The following EML1 variants were observed in gnomAD, a reference collection of about 807,000 sequenced individuals.
EML1 encodes the protein EMAP like 1.
In EML1, 27 loss-of-function variants were observed where a neutral mutation model predicts 110.4. That is an observed-to-expected ratio of 0.24 (90% CI 0.18 to 0.34). The LOEUF (loss-of-function observed/expected upper bound fraction) is 0.34, where lower values mean the gene tolerates loss of function less well. Ranked by LOEUF, EML1 falls within the 10% of genes least tolerant of loss-of-function variation. EML1 has a pLI of 1.00. For missense variants in EML1, 741 were observed against 1,030.9 expected (o/e 0.72, Z 3.85); for synonymous variants, 344 against 385.8 (o/e 0.89, Z 1.27).
Position 99,827,364 on chromosome 14 carries a change from A to T in EML1, c.68-23489A>T, listed in dbSNP as rs1352160185. On this transcript the variant is annotated intron_variant, in intron 1 of 21. Coordinates refer to ENST00000262233, the MANE Select transcript of EML1 (RefSeq NM_004434.3). This position sits in a 1 kb window ranked among gnomAD's most constrained non-coding sequence, Gnocchi z 4.4. ...GTACCCTGGCAGCATAGCTGGTATG[A>T]GTACTCGAAGTACCCCGGCAGAGTA... 4.0e-5 allele frequency among the ~76,000 whole-genome samples: 6 copies of T among 151,858 alleles called. No homozygotes were observed. Among genetic ancestry groups the T allele is most frequent in the African/African-American group, 1.5e-4 (6 of 41,338 alleles).
chr14:99,813,480 C>T (rs934157314), intron 1 of EML1, among the ~76,000 whole-genome samples: 1 of 152,014 alleles, frequency 6.6e-6, no homozygotes, highest in African/African-American at 2.4e-5. Flanking sequence ...TGTGGGAGGC[C>T]GAGGCAGAAG....
upstream of EML1, among the ~76,000 whole-genome samples, chr14:99,769,255 G>A (rs1384230565): frequency 3.3e-5 from 5 of 152,180 alleles, no homozygotes; most frequent in African/African-American, 7.2e-5. Context: ...GCCCACCAGC[G>A]GTTTTGCAGC....
intron 1 of EML1, among the ~76,000 whole-genome samples, chr14:99,846,206 T>G (rs1043061250): frequency 1.3e-5 from 2 of 152,020 alleles, no homozygotes; most frequent in Non-Finnish European, 2.9e-5. Context: ...TCCATATGTT[T>G]TCATGTTTCT....
chr14:99,850,157 T>C, intron 1 of EML1: 2 of 526,848 alleles, frequency 3.8e-6, no homozygotes. Context: ...TAGGCTGATA[T>C]CAAACTCCTG....
chr14:99,845,201 C>T (rs979782904), intron 1 of EML1, among the ~76,000 whole-genome samples: 8 of 152,124 alleles, frequency 5.3e-5, no homozygotes, highest in Admixed American at 3.9e-4. Flanking sequence ...TACTTTTAAC[C>T]ATCCTAATAG....
chr14:99,754,661 G>A (rs544044194), intron 1 of EML1, among the ~76,000 whole-genome samples: 1 of 152,326 alleles, frequency 6.6e-6, no homozygotes, highest in South Asian at 2.1e-4. Flanking sequence ...GGACAAATGA[G>A]TCAGCTTGGC....
chr14:99,755,478 T>C (rs2140179467), intron 1 of EML1, among the ~76,000 whole-genome samples: 1 of 152,256 alleles, frequency 6.6e-6, no homozygotes, highest in African/African-American at 2.4e-5. Context: ...CATCTGGTGG[T>C]TGTGGCGGCT....
chr14:99,859,604 C>T (rs1000558383), intron 2 of EML1, among the ~76,000 whole-genome samples: 2 of 152,140 alleles, frequency 1.3e-5, no homozygotes, highest in Admixed American at 1.3e-4. Context: ...CAGGGACTGG[C>T]GCCCCGGCCC....
intron 1 of EML1, among the ~76,000 whole-genome samples, chr14:99,767,814 G>A (rs945200739): frequency 6.6e-6 from 1 of 152,064 alleles, no homozygotes; most frequent in Non-Finnish European, 1.5e-5. Context: ...CCTCCCCCAA[G>A]TCCCCTCATT....
intron 17 of EML1, among the ~76,000 whole-genome samples, chr14:99,923,935 T>TGA (rs1379152028): frequency 3.3e-5 from 5 of 151,998 alleles, no homozygotes; most frequent in African/African-American, 1.2e-4. Flanking sequence ...ATTACAGGTG[T>TGA]GAGGCACCAC....
chr14:99,772,437 T>C (rs2057437180), upstream of EML1, among the ~76,000 whole-genome samples: 1 of 152,186 alleles, frequency 6.6e-6, no homozygotes. Context: ...ACAACAGACT[T>C]TCTACTGGAA....
chr14:99,747,938 A>G (rs918330433), intron 1 of EML1, among the ~76,000 whole-genome samples: 26 of 152,118 alleles, frequency 1.7e-4, no homozygotes, highest in African/African-American at 6.0e-4. Context: ...GCTGGTTGAG[A>G]GAGGGTAAAG....
chr14:99,763,695 G>A (rs1011010859), intron 1 of EML1, among the ~76,000 whole-genome samples: 3 of 152,114 alleles, frequency 2.0e-5, no homozygotes, highest in South Asian at 2.1e-4. Context: ...CTAGATCCTC[G>A]GCTATGCTGC....
intron 16 of EML1, among the ~76,000 whole-genome samples, chr14:99,919,751 C>T (rs1014774028): frequency 2.6e-5 from 4 of 152,046 alleles, no homozygotes; most frequent in Admixed American, 2.6e-4. Context: ...TCTAATCAGC[C>T]CCAGCCTTTA....
chr14:99,826,950 G>A (rs2058370624), intron 1 of EML1, among the ~76,000 whole-genome samples: 1 of 152,176 alleles, frequency 6.6e-6, no homozygotes. Flanking sequence ...ACTATTTGAG[G>A]CAGAGAGTGT....
At chr14:99,772,378 C>T (rs990296301), upstream of EML1, among the ~76,000 whole-genome samples, 1 of 152,200 alleles carries the variant, frequency 6.6e-6, no homozygotes, top group Non-Finnish European at 1.5e-5. Flanking sequence ...TCCCCATTCT[C>T]TAATAACCGT....
At position 99,872,815 on chromosome 14, in the gene EML1, G is replaced by A. The variant is rs903665185; in HGVS notation, c.384-5670G>A. 3.9e-5 allele frequency among the ~76,000 whole-genome samples: 6 copies of A among 152,216 alleles called. No individual in the cohort carries two copies. In the East Asian group the frequency reaches 7.7e-4, roughly 20 times the overall value. ...TCATTTCAAATATGTTTACAATCAG[G>A]TAGGAATTTTTCTGTAATCAGAGTT... is the stretch of plus-strand genomic sequence containing the variant. On this transcript the variant is annotated intron_variant, in intron 3 of 21. Transcript: ENST00000262233.
rs114445256 is a variant in EML1, at chr14:99,913,459, G to C, written c.1495-720G>C. 1.4e-3 allele frequency among the ~76,000 whole-genome samples: 209 copies of C among 152,182 alleles called. 2 individuals are homozygous for C. The highest frequency in any genetic ancestry group is 4.7e-3 in the African/African-American group (196 of 41,510). ...CCCAAAGTGCTGGGATTACAGATGT[G>C]AGCTACCACACCTGGCCTATATTCT... is the stretch of plus-strand genomic sequence containing the variant. On this transcript the variant is annotated intron_variant, in intron 13 of 21. Coordinates refer to ENST00000262233, the MANE Select transcript of EML1 (RefSeq NM_004434.3).
chr14:99,860,805 C>G (rs2058991095), intron 2 of EML1, among the ~76,000 whole-genome samples: 1 of 152,100 alleles, frequency 6.6e-6, no homozygotes, highest in Admixed American at 6.5e-5. Flanking sequence ...CCCCCTCCCC[C>G]TTCCCATCCC....
Sources: allele counts gnomAD v4.1 joint callset (sites outside exome capture counted in the v4.1 genomes callset), GRCh38; gene constraint gnomAD v4.1.1; non-coding constraint Gnocchi (gnomAD v3.1); transcripts MANE v1.5; gene names NCBI Gene and HGNC (gene_info 2026-07-23, HGNC 2026-07-21).